The following ASIC2 variants were observed in gnomAD, a reference collection of about 807,000 sequenced individuals.
ASIC2 encodes the protein acid-sensing ion channel 2.
In ASIC2, 25 loss-of-function variants were observed where a neutral mutation model predicts 57.3. The ratio of observed to expected loss-of-function variants is 0.44; its 90% CI spans 0.32 to 0.61. ASIC2 has a LOEUF of 0.61. Ranked by LOEUF, ASIC2 falls within the 20% of genes least tolerant of loss-of-function variation. ASIC2 has a pLI of 0.06. For missense variants in ASIC2, 641 were observed against 738.1 expected (o/e 0.87, Z 1.52); for synonymous variants, 319 against 307.5 (o/e 1.04, Z -0.39).
intron 1 of ASIC2, among the ~76,000 whole-genome samples, chr17:33,695,381 A>C (rs1908493062): frequency 6.6e-6 from 1 of 152,204 alleles, no homozygotes; most frequent in African/African-American, 2.4e-5. Flanking sequence ...GAGTGGCAGT[A>C]AATGTGCAGG....
upstream of ASIC2, among the ~76,000 whole-genome samples, chr17:33,297,991 C>T (rs1369492402): frequency 8.3e-5 from 11 of 133,200 alleles, no homozygotes; most frequent in Non-Finnish European, 7.9e-5. Context: ...CTGTAGTTTT[C>T]GTGGCTCTGT....
intron 1 of ASIC2, among the ~76,000 whole-genome samples, chr17:33,317,288 A>G (rs1597680006): frequency 6.6e-6 from 1 of 152,190 alleles, no homozygotes; most frequent in Non-Finnish European, 1.5e-5. Flanking sequence ...TCCTGCTGCA[A>G]TCAAGGGTTC....
intron 1 of ASIC2, chr17:34,038,535 C>G: frequency 6.2e-7 from 1 of 1,610,868 alleles, no homozygotes; most frequent in South Asian, 1.1e-5. Context: ...CCTCCTCTAC[C>G]CAAAAGATGT....
chr17:33,123,007 C>T (rs529919748), intron 1 of ASIC2, among the ~76,000 whole-genome samples: 14 of 152,164 alleles, frequency 9.2e-5, no homozygotes, highest in East Asian at 5.8e-4. Context: ...TTGGTGAAGA[C>T]GTAGAGAAAA....
chr17:33,468,923 C>A (rs1405878752), intron 1 of ASIC2, among the ~76,000 whole-genome samples: 2 of 152,094 alleles, frequency 1.3e-5, no homozygotes, highest in South Asian at 2.1e-4. Flanking sequence ...ACACTGCGGA[C>A]TGGACAATGG....
intron 1 of ASIC2, among the ~76,000 whole-genome samples, chr17:34,088,710 G>C (rs985602117): frequency 6.6e-6 from 1 of 152,364 alleles, no homozygotes; most frequent in South Asian, 2.1e-4. Flanking sequence ...CTTCCCGGCT[G>C]CTTTGTTTAC....
intron 1 of ASIC2, among the ~76,000 whole-genome samples, chr17:33,764,253 C>A (rs1910868932): frequency 6.6e-6 from 1 of 150,826 alleles, no homozygotes. Context: ...GGAGGCGGAG[C>A]TTGCAGTGAG....
intron 1 of ASIC2, among the ~76,000 whole-genome samples, chr17:33,481,094 G>A (rs141582436): frequency 8.0e-4 from 122 of 152,262 alleles, no homozygotes; most frequent in African/African-American, 2.7e-3. Context: ...TGCCTGTCCT[G>A]CAAAGTGCCC....
intron 1 of ASIC2, among the ~76,000 whole-genome samples, chr17:33,456,451 T>C (rs2141993231): frequency 6.6e-6 from 1 of 152,280 alleles, no homozygotes; most frequent in Non-Finnish European, 1.5e-5. Flanking sequence ...AATCTGCTCA[T>C]AATGACAACC....
intron 7 of ASIC2, among the ~76,000 whole-genome samples, chr17:33,018,139 C>T (rs1329104684): frequency 2.0e-5 from 3 of 152,218 alleles, no homozygotes; most frequent in Non-Finnish European, 2.9e-5. Context: ...AGGGCACCTC[C>T]CACCCTTGGG....
At chr17:33,871,705 C>T (rs1914414649) in intron 1 of ASIC2, among the ~76,000 whole-genome samples, 1 of 152,140 alleles carries the variant, frequency 6.6e-6, no homozygotes, top group East Asian at 1.9e-4. Flanking sequence ...GACTTTGCCA[C>T]CTGAATTACG....
At chr17:34,033,717 C>G (rs1907732462) in intron 1 of ASIC2, among the ~76,000 whole-genome samples, 1 of 152,166 alleles carries the variant, frequency 6.6e-6, no homozygotes, top group African/African-American at 2.4e-5. Flanking sequence ...AAACTACCAT[C>G]AGAGAATACT....
At chr17:33,785,825 C>T (rs1911585277) in intron 1 of ASIC2, among the ~76,000 whole-genome samples, 1 of 152,170 alleles carries the variant, frequency 6.6e-6, no homozygotes, top group Non-Finnish European at 1.5e-5. Context: ...TAGCACAGAC[C>T]TTCAGGAAGA....
At chr17:33,325,763 G>A (rs889800003) in intron 1 of ASIC2, among the ~76,000 whole-genome samples, 1 of 152,082 alleles carries the variant, frequency 6.6e-6, no homozygotes, top group Non-Finnish European at 1.5e-5. Flanking sequence ...GTGGTGGAGT[G>A]GATTGAAGGA....
intron 9 of ASIC2, among the ~76,000 whole-genome samples, chr17:33,014,808 G>A (rs951805132): frequency 6.6e-6 from 1 of 152,222 alleles, no homozygotes; most frequent in Admixed American, 6.5e-5. Context: ...GGAGGGCTCT[G>A]GGGGTGCAAA....
At chr17:33,278,137 G>A (rs775977325) in intron 1 of ASIC2, among the ~76,000 whole-genome samples, 5 of 150,774 alleles carry the variant, frequency 3.3e-5, no homozygotes, top group Non-Finnish European at 7.4e-5. Context: ...TCAGAGAATC[G>A]ATCCTCCCCT....
chr17:33,691,323 T>C (rs1186420213), intron 1 of ASIC2, among the ~76,000 whole-genome samples: 1 of 152,252 alleles, frequency 6.6e-6, no homozygotes, highest in Non-Finnish European at 1.5e-5. Flanking sequence ...ATAGAGGTTG[T>C]ACCAAATTAC....
chr17:33,386,113 G>C (rs930509459), intron 1 of ASIC2, among the ~76,000 whole-genome samples: 1 of 152,120 alleles, frequency 6.6e-6, no homozygotes, highest in South Asian at 2.1e-4. Flanking sequence ...CTGGCACAAG[G>C]AGATGTTTGC....
At chr17:34,139,352 TAAAC>T (rs1912208662) in intron 1 of ASIC2, among the ~76,000 whole-genome samples, 1 of 152,080 alleles carries the variant, frequency 6.6e-6, no homozygotes, top group Non-Finnish European at 1.5e-5. Flanking sequence ...CACATGGAAA[TAAAC>T]AGATAGATTC....
Sources: allele counts gnomAD v4.1 joint callset (sites outside exome capture counted in the v4.1 genomes callset), GRCh38; gene constraint gnomAD v4.1.1; transcripts MANE v1.5; gene names NCBI Gene and HGNC (gene_info 2026-07-23, HGNC 2026-07-21).